Variants in GLIS3 observed in about 807,000 individuals in gnomAD.
The protein encoded by GLIS3 is GLIS family zinc finger 3.
Under a neutral mutation model 78.6 loss-of-function variants are expected in GLIS3, and 53 were observed. The observed-to-expected ratio is 0.67, with a 90% CI of 0.54 to 0.85. The LOEUF is 0.85. Ranked by LOEUF, GLIS3 falls within the 40% of genes least tolerant of loss-of-function variation. The pLI, the probability that GLIS3 is intolerant of heterozygous loss-of-function variation, is 0.00. For missense variants in GLIS3, 1,703 were observed against 1,231.1 expected (o/e 1.38, Z -5.74); for synonymous variants, 684 against 509.9 (o/e 1.34, Z -4.60).
rs1388936221 is a variant in GLIS3, at chr9:3,856,074, G to A, written c.2408C>T (p.Ser803Leu). The change falls in exon 9 of 11, where the codon TCA becomes TTA. Residue 803 changes from serine to leucine, a missense_variant. Coordinates refer to ENST00000381971, the MANE Select transcript of GLIS3 (RefSeq NM_001042413.2). ...QPPYTQQPSG[S>L]HLKSYQPETN... The stretch of plus-strand genomic sequence containing the variant: ...TTCTGGCTGATAGGACTTCAGGTGT[G>A]AACCTGATGGCTGCTGGGTATAGGG... The A allele has an allele frequency of 1.9e-6, 3 of 1,613,950 alleles. No homozygotes were observed. The African/African-American group carries it at 4.0e-5, about 22-fold the overall frequency.
At chr9:4,343,219 G>T (rs1287969146) in intron 2 of GLIS3, among the ~76,000 whole-genome samples, 1 of 152,106 alleles carries the variant, frequency 6.6e-6, no homozygotes, top group Non-Finnish European at 1.5e-5. Flanking sequence ...GCACACCCCT[G>T]TGGTCCCAGC....
At chr9:4,355,907 T>C in the GLIS3 span, among the ~76,000 whole-genome samples, 54 of 152,336 alleles carry the variant, frequency 3.5e-4, no homozygotes, top group Non-Finnish European at 6.9e-4. Context: ...ATGTTCTATA[T>C]CTTGATTAGC....
intron 2 of GLIS3, among the ~76,000 whole-genome samples, chr9:4,265,423 A>G (rs1392648524): frequency 7.1e-6 from 1 of 141,698 alleles, no homozygotes; most frequent in Non-Finnish European, 1.5e-5. Context: ...CACTTGCTCA[A>G]GGTCCCAGAG....
chr9:4,086,855 C>A (rs1829073371), intron 4 of GLIS3, among the ~76,000 whole-genome samples: 1 of 152,302 alleles, frequency 6.6e-6, no homozygotes, highest in Middle Eastern at 3.4e-3. Flanking sequence ...CCCACAGAGC[C>A]TTGCTGTTCT....
intron 4 of GLIS3, among the ~76,000 whole-genome samples, chr9:3,961,710 T>C (rs1434938500): frequency 6.6e-6 from 1 of 152,220 alleles, no homozygotes; most frequent in African/African-American, 2.4e-5. Context: ...CACAAGTCTC[T>C]GCACAATTAG....
At chr9:4,378,442 C>A in the GLIS3 span, among the ~76,000 whole-genome samples, 4 of 151,988 alleles carry the variant, frequency 2.6e-5, no homozygotes, top group Admixed American at 2.6e-4. Flanking sequence ...TTCTTTCACC[C>A]TCTCAGTCCA....
chr9:4,208,652 T>A (rs1820092440), intron 2 of GLIS3, among the ~76,000 whole-genome samples: 1 of 152,210 alleles, frequency 6.6e-6, no homozygotes, highest in Non-Finnish European at 1.5e-5. Flanking sequence ...TAGGGAATAG[T>A]ATGTTCCGCA....
intron 1 of GLIS3, among the ~76,000 whole-genome samples, chr9:4,295,904 C>A (rs931246714): frequency 2.0e-5 from 3 of 152,170 alleles, no homozygotes; most frequent in African/African-American, 7.2e-5. Flanking sequence ...TATGTGTCAT[C>A]TTCCTTGAAT....
chr9:3,941,800 TAA>T (rs1233992133), intron 4 of GLIS3, among the ~76,000 whole-genome samples: 2 of 152,244 alleles, frequency 1.3e-5, no homozygotes, highest in Non-Finnish European at 2.9e-5. Context: ...TTAGAAAGTT[TAA>T]GTTATTGCAA....
At chr9:4,482,632 T>C in the GLIS3 span, among the ~76,000 whole-genome samples, 3 of 152,232 alleles carry the variant, frequency 2.0e-5, no homozygotes, top group Non-Finnish European at 4.4e-5. Flanking sequence ...TTTCTAGAGA[T>C]ACTCAGAAGC....
At chr9:4,410,129 C>A in the GLIS3 span, among the ~76,000 whole-genome samples, 9 of 151,546 alleles carry the variant, frequency 5.9e-5, no homozygotes, top group East Asian at 1.7e-3. Flanking sequence ...CACCACCATG[C>A]CCGGCTATTT....
At chr9:4,013,265 C>T (rs978683641) in intron 4 of GLIS3, among the ~76,000 whole-genome samples, 3 of 152,262 alleles carry the variant, frequency 2.0e-5, no homozygotes, top group Non-Finnish European at 2.9e-5. Context: ...TAAAGACTTA[C>T]GTGACAGACT....
chr9:4,227,750 T>C (rs1821900928), intron 2 of GLIS3, among the ~76,000 whole-genome samples: 2 of 152,176 alleles, frequency 1.3e-5, no homozygotes, highest in African/African-American at 4.8e-5. Context: ...TAAAGTCAGG[T>C]GAAGCCAAGG....
Position 4,265,405 on chromosome 9 carries a change from G to A in GLIS3, c.388+20633C>T, listed in dbSNP as rs574857352. Among the ~76,000 whole-genome samples the A allele has an allele frequency of 2.0e-5, 3 of 151,858 alleles. No homozygotes were observed. The South Asian group carries it at 6.2e-4, about 32-fold the overall frequency. ...AGGTACAGATATTATCCCTTAGAAA[G>A]GGTAAGTCACTTGCTCAAGGTCCCA... On this transcript the variant is annotated intron_variant, in intron 2 of 10. Coordinates refer to ENST00000381971, the MANE Select transcript of GLIS3 (RefSeq NM_001042413.2).
the GLIS3 span, among the ~76,000 whole-genome samples, chr9:4,435,438 A>T: frequency 6.6e-6 from 1 of 152,192 alleles, no homozygotes; most frequent in Non-Finnish European, 1.5e-5. Context: ...TGTGGAGCAC[A>T]TTCCTCAGCC....
At chr9:4,473,809 T>A in the GLIS3 span, among the ~76,000 whole-genome samples, 2 of 152,020 alleles carry the variant, frequency 1.3e-5, no homozygotes, top group African/African-American at 4.8e-5. Context: ...TAAATAAAAA[T>A]TTTTAAAGAT....
chr9:4,397,911 A>G, the GLIS3 span, among the ~76,000 whole-genome samples: 1 of 151,942 alleles, frequency 6.6e-6, no homozygotes, highest in African/African-American at 2.4e-5. Context: ...ATCTCTATAG[A>G]CATTCCTCCA....
the GLIS3 span, among the ~76,000 whole-genome samples, chr9:4,397,665 G>A: frequency 7.7e-4 from 59 of 76,862 alleles, no homozygotes; most frequent in African/African-American, 1.6e-3. Flanking sequence ...AGGAAGGAAG[G>A]AAGGGAGGGA....
intron 2 of GLIS3, among the ~76,000 whole-genome samples, chr9:4,331,956 G>T (rs539581638): frequency 6.6e-6 from 1 of 152,326 alleles, no homozygotes; most frequent in South Asian, 2.1e-4. Flanking sequence ...ATACCAGGGA[G>T]ACTAAAGCAT....
Sources: allele counts gnomAD v4.1 joint callset (sites outside exome capture counted in the v4.1 genomes callset), GRCh38; gene constraint gnomAD v4.1.1; transcripts MANE v1.5; gene names NCBI Gene and HGNC (gene_info 2026-07-23, HGNC 2026-07-21).